BMP7: variants seen among roughly 807,000 people sequenced by gnomAD.
BMP7 encodes the protein osteogenic protein 1.
A neutral mutation model predicts 41.2 loss-of-function variants in BMP7; 12 were observed. The observed-to-expected ratio is 0.29, with a 90% CI of 0.19 to 0.47. The LOEUF (loss-of-function observed/expected upper bound fraction) is 0.47, where lower values mean the gene tolerates loss of function less well. Ranked by LOEUF, BMP7 falls within the 20% of genes least tolerant of loss-of-function variation. The pLI, the probability that BMP7 is intolerant of heterozygous loss-of-function variation, is 0.99. For synonymous variants in BMP7, 248 were observed against 250.0 expected (o/e 0.99, Z 0.07); for missense variants, 467 against 606.0 (o/e 0.77, Z 2.41).
rs764292927 is a variant in BMP7 at position 57,202,579 on chromosome 20, G to A, written c.656C>T (p.Ser219Leu). The A allele has an allele frequency of 5.0e-6, 8 of 1,612,510 alleles. No individual in the cohort carries two copies. Among genetic ancestry groups the A allele is most frequent in the East Asian group, 2.2e-5 (1 of 44,848 alleles). The change falls in exon 3 of 7, where the codon TCG (serine) becomes TTG (leucine). Residue 219 changes from serine (S) to leucine (L), a missense_variant. This residue lies in a region of BMP7 where 407 missense variants were observed against 485.9 expected (regional missense o/e 0.84). Coordinates refer to ENST00000395863, the MANE Select transcript of BMP7 (RefSeq NM_001719.3). The stretch of plus-strand genomic sequence containing the variant: ...GTCAAACACCAGCCAGCCCTCCTCC[G>A]AGGCCCAGAGGGTACGGCTGTCGAG... ...FLLDSRTLWA[S>L]EEGWLVFDIT...
At chr20:57,195,687 C>T (rs1984476091) in intron 3 of BMP7, among the ~76,000 whole-genome samples, 1 of 152,276 alleles carries the variant, frequency 6.6e-6, no homozygotes, top group African/African-American at 2.4e-5. Context: ...GCTCCTTCCT[C>T]AGCTGCCACA....
At chr20:57,191,211 A>G (rs1398478746) in intron 3 of BMP7, among the ~76,000 whole-genome samples, 3 of 152,208 alleles carry the variant, frequency 2.0e-5, no homozygotes, top group African/African-American at 7.2e-5. Context: ...TGAAGCATCA[A>G]CCAGTGCCTG....
intron 3 of BMP7, among the ~76,000 whole-genome samples, chr20:57,200,653 C>T (rs1392549852): frequency 1.3e-5 from 2 of 152,226 alleles, no homozygotes; most frequent in African/African-American, 2.4e-5. Context: ...AAAAATTAGC[C>T]GGTGTGGTGG....
intron 1 of BMP7, among the ~76,000 whole-genome samples, chr20:57,242,592 C>T (rs931061188): frequency 6.6e-6 from 1 of 152,194 alleles, no homozygotes; most frequent in Admixed American, 6.5e-5. Context: ...AGCTTGGAGG[C>T]TCTATCTGTG....
At chr20:57,218,193 A>G (rs2865363) in intron 2 of BMP7, among the ~76,000 whole-genome samples, 15,878 of 152,216 alleles carry the variant, frequency 0.1, 2,756 homozygotes, top group African/African-American at 0.36. Flanking sequence ...TTCATTTTGC[A>G]CTGGGCCCAG....
chr20:57,200,838 C>T (rs777175984), intron 3 of BMP7, among the ~76,000 whole-genome samples: 2 of 151,872 alleles, frequency 1.3e-5, no homozygotes, highest in Non-Finnish European at 2.9e-5. Flanking sequence ...AGGAATTGGT[C>T]CTAGAGCTAC....
intron 3 of BMP7, among the ~76,000 whole-genome samples, chr20:57,188,035 C>G (rs1377535153): frequency 1.3e-5 from 2 of 152,214 alleles, no homozygotes; most frequent in Non-Finnish European, 2.9e-5. Flanking sequence ...AGAAAATACA[C>G]TGGCAATTCC....
At chr20:57,202,328 GT>G (rs1321228900) in intron 3 of BMP7, 146 bp downstream of exon 3, 1 of 1,137,236 alleles carries the variant, frequency 8.8e-7, no homozygotes, top group African/African-American at 1.5e-5. Flanking sequence ...GCTGCTTCTG[GT>G]TTGGATCAAA....
intron 1 of BMP7, among the ~76,000 whole-genome samples, chr20:57,229,222 C>T (rs1480547606): frequency 6.6e-6 from 1 of 152,196 alleles, no homozygotes; most frequent in Non-Finnish European, 1.5e-5. Context: ...GCTACTCCGA[C>T]CCCCTCCTGA....
chr20:57,189,159 A>T (rs1742765810), intron 3 of BMP7, among the ~76,000 whole-genome samples: 2 of 152,236 alleles, frequency 1.3e-5, no homozygotes. Flanking sequence ...GCCTGACTAT[A>T]GTCATTTGGA....
intron 6 of BMP7, 186 bp downstream of exon 6, chr20:57,173,014 T>C: frequency 1.5e-6 from 1 of 683,530 alleles, no homozygotes; most frequent in Non-Finnish European, 2.7e-6. Context: ...TATACTCCTC[T>C]TTATACCAAA....
rs548696866 is a variant in BMP7 at position 57,186,147 on chromosome 20, G to A, written c.761-2228C>T. 8.5e-5 allele frequency among the ~76,000 whole-genome samples: 13 copies of A among 152,354 alleles called. No individual in the cohort carries two copies. The East Asian group carries it at 2.3e-3, about 27-fold the overall frequency. On this transcript the variant is annotated intron_variant, in intron 3 of 6. Coordinates refer to ENST00000395863, the MANE Select transcript of BMP7 (RefSeq NM_001719.3). ...GGCATTTAAAGCCAGAAGACTGGAT[G>A]AGCTCGCCTGGGGAAAGTGTGTACA...
In BMP7 at chr20:57,171,192, C is replaced by T. The variant is rs980936554; in HGVS notation, c.1147-84G>A. On this transcript the variant is annotated intron_variant, in intron 6 of 6. Coordinates refer to ENST00000395863, the MANE Select transcript of BMP7 (RefSeq NM_001719.3). The surrounding 1 kb of genome is among the most constrained non-coding windows in gnomAD (Gnocchi z 4.5). ...CTCCACGTTTCTATAAAGAAACATC[C>T]TGTCTGGGCATAATGAATGACTGCA... The T allele has an allele frequency of 1.3e-6, 2 of 1,578,182 alleles. No individual in the cohort carries two copies. Among genetic ancestry groups the T allele is most frequent in the East Asian group, 4.5e-5 (2 of 44,458 alleles).
Position 57,202,473 on chromosome 20 carries a change from A to AC in BMP7, c.760+1dup, listed in dbSNP as rs1356102010. 6.3e-7 allele frequency: 1 copy of AC among 1,583,082 alleles called. No homozygotes were observed. Among genetic ancestry groups the AC allele is most frequent in the South Asian group, 1.1e-5 (1 of 90,120 alleles). ...AGGACTGGCAGTGGCCGGGGGACTCACCATCCAGCGTCTCCACCGAGAGCT... is the reference window on the plus strand; with the variant it reads ...AGGACTGGCAGTGGCCGGGGGACTCACCCATCCAGCGTCTCCACCGAGAGCT... On this transcript the variant is annotated splice_donor_variant, in intron 3 of 6. Coordinates refer to ENST00000395863, the MANE Select transcript of BMP7 (RefSeq NM_001719.3). LOFTEE classifies it high-confidence loss of function.
chr20:57,237,231 G>A (rs372907376), intron 1 of BMP7, among the ~76,000 whole-genome samples: 54 of 152,298 alleles, frequency 3.5e-4, no homozygotes, highest in African/African-American at 1.3e-3. Context: ...AAGCTCAAGG[G>A]GCTAAAAGAA....
At chr20:57,183,234 C>CA (rs527278475) in intron 4 of BMP7, among the ~76,000 whole-genome samples, 3,019 of 131,422 alleles carry the variant, frequency 0.023, 31 homozygotes, top group Middle Eastern at 0.071. Context: ...GACTTCATCT[C>CA]AAAAAAAAAA....
chr20:57,259,630 G>T lies in BMP7; in HGVS notation c.418+6075C>A, dbSNP rs1178005563. Among the ~76,000 whole-genome samples, 5 of 152,098 alleles carry T rather than the reference G, an allele frequency of 3.3e-5. No homozygotes were observed. Among genetic ancestry groups the T allele is most frequent in the African/African-American group, 1.2e-4 (5 of 41,408 alleles). ...TTGTCATTAATTCAATCCACTCCAC[G>T]CGGATCAGCACAGGCTTTGCGCGGC... On this transcript the variant is annotated intron_variant, in intron 1 of 6. Coordinates refer to ENST00000395863, the MANE Select transcript of BMP7 (RefSeq NM_001719.3). The surrounding 1 kb of genome is among the most constrained non-coding windows in gnomAD (Gnocchi z 4.7).
chr20:57,182,332 T>A (rs1984103142), intron 4 of BMP7, among the ~76,000 whole-genome samples: 1 of 152,116 alleles, frequency 6.6e-6, no homozygotes, highest in South Asian at 2.1e-4. Flanking sequence ...AGAATGCACC[T>A]TCTGGGGATC....
rs777292866 is a variant in BMP7, at chr20:57,202,602, G to C, written c.633C>G (p.Leu211=). 1.9e-6 allele frequency: 3 copies of C among 1,612,048 alleles called. No individual in the cohort carries two copies. The highest frequency in any genetic ancestry group is 2.5e-6 in the Non-Finnish European group (3 of 1,180,004). ...HLGRESDLFL[L]DSRTLWASEE... is the part of the protein sequence containing the mutation. ...CCGAGGCCCAGAGGGTACGGCTGTC[G>C]AGCAGGAAGAGATCCGATTCCCTGC... The change falls in exon 3 of 7, where the codon CTC becomes CTG. Residue 211 remains leucine (L), a synonymous_variant. Transcript: ENST00000395863.
Sources: allele counts gnomAD v4.1 joint callset (sites outside exome capture counted in the v4.1 genomes callset), GRCh38; gene constraint gnomAD v4.1.1; regional missense constraint gnomAD v4.1.1; non-coding constraint Gnocchi (gnomAD v3.1); transcripts MANE v1.5; gene names NCBI Gene and HGNC (gene_info 2026-07-23, HGNC 2026-07-21).